The following N4BP2L2 variants were observed in gnomAD, a reference collection of about 807,000 sequenced individuals.
The protein encoded by N4BP2L2 is NEDD4-binding protein 2-like 2.
A neutral mutation model predicts 56.2 loss-of-function variants in N4BP2L2; 50 were observed. The ratio of observed to expected loss-of-function variants is 0.89; its 90% CI spans 0.71 to 1.13. The LOEUF (loss-of-function observed/expected upper bound fraction) is 1.13, where lower values mean the gene tolerates loss of function less well. Among genes scored for constraint, N4BP2L2 ranks in the 50% most tolerant of loss-of-function variants. The pLI, the probability that N4BP2L2 is intolerant of heterozygous loss-of-function variation, is 0.00. For synonymous variants in N4BP2L2, 203 were observed against 223.6 expected (o/e 0.91, Z 0.82); for missense variants, 689 against 693.8 (o/e 0.99, Z 0.08).
At chr13:32,473,662 C>T (rs915835186) in intron 6 of N4BP2L2, among the ~76,000 whole-genome samples, 3 of 152,176 alleles carry the variant, frequency 2.0e-5, no homozygotes, top group African/African-American at 7.2e-5. Flanking sequence ...ATTTCCTTGT[C>T]CTTTCCAGTC....
chr13:32,443,451 G>T, exon 7 of N4BP2L2: 1 of 1,613,954 alleles, frequency 6.2e-7, no homozygotes, highest in Non-Finnish European at 8.5e-7. Flanking sequence ...AAAAAGCCCA[G>T]TGATTGATTT....
exon 6 of N4BP2L2, chr13:32,513,033 A>G (rs1474550754): frequency 6.8e-6 from 1 of 146,230 alleles, no homozygotes; most frequent in Non-Finnish European, 1.5e-5. Context: ...CTCCGTCTCA[A>G]AAAAAAAAAA....
chr13:32,510,250 CT>C (rs1183328843), downstream of N4BP2L2: 2 of 151,970 alleles, frequency 1.3e-5, no homozygotes, highest in African/African-American at 4.8e-5. Context: ...TTAGGAAATA[CT>C]GCCTGAAAAT....
chr13:32,538,803 T>A, upstream of N4BP2L2: 1 of 985,362 alleles, frequency 1.0e-6, no homozygotes, highest in Non-Finnish European at 1.2e-6. Context: ...GGCGGTCACC[T>A]CTCGGTTACC....
chr13:32,526,818 G>GTTTTTTTTTTTTTT lies in N4BP2L2; in HGVS notation c.1384+576_1384+589dup, dbSNP rs35925361. On this transcript the variant is annotated intron_variant, in intron 3 of 5. Transcript: ENST00000267068. ...CTGAGGCCAGGCACACTTTTTGTCT[G>GTTTTTTTTTTTTTT]TTTTTTTTTTTTTTTTTTTTTTTTT... 2.6e-3 allele frequency: 64 copies of GTTTTTTTTTTTTTT among 24,240 alleles called. 19 individuals are homozygous for GTTTTTTTTTTTTTT. The highest frequency in any genetic ancestry group is 3.0e-3 in the Non-Finnish European group (38 of 12,584). 1.5% of individuals were successfully genotyped at this position (24,240 alleles called of 1,614,324 possible).
At chr13:32,450,312 T>C (rs548792388) in intron 6 of N4BP2L2, among the ~76,000 whole-genome samples, 1 of 151,856 alleles carries the variant, frequency 6.6e-6, no homozygotes, top group East Asian at 1.9e-4. Context: ...AGTAAAAAAA[T>C]TATATATAAA....
intron 5 of N4BP2L2, among the ~76,000 whole-genome samples, chr13:32,518,719 T>C (rs867431102): frequency 6.6e-6 from 1 of 152,292 alleles, no homozygotes; most frequent in Admixed American, 6.5e-5. Context: ...AAAAGGTAAC[T>C]GTGACTGGGA....
intron 6 of N4BP2L2, among the ~76,000 whole-genome samples, chr13:32,488,637 T>C (rs1290481998): frequency 2.0e-5 from 3 of 152,244 alleles, no homozygotes; most frequent in African/African-American, 7.2e-5. Flanking sequence ...TGTATATTTA[T>C]ATATTTAAAC....
intron 7 of N4BP2L2, among the ~76,000 whole-genome samples, chr13:32,440,280 A>G (rs531232112): frequency 2.0e-5 from 3 of 152,268 alleles, no homozygotes; most frequent in African/African-American, 7.2e-5. Context: ...TGGGTCCCCA[A>G]GGAACGCTGA....
At chr13:32,515,269 A>C (rs928307038) in exon 6 of N4BP2L2, 2 of 152,158 alleles carry the variant, frequency 1.3e-5, no homozygotes, top group Non-Finnish European at 2.9e-5. Context: ...CCATCTCTAC[A>C]AAAAAATTTT....
At chr13:32,529,738 T>G (rs1019916962) in intron 2 of N4BP2L2, among the ~76,000 whole-genome samples, 3 of 152,078 alleles carry the variant, frequency 2.0e-5, no homozygotes, top group African/African-American at 7.2e-5. Context: ...TTTCTTTTTT[T>G]TTTTTAGACA....
downstream of N4BP2L2, among the ~76,000 whole-genome samples, chr13:32,509,958 C>T (rs1566148595): frequency 6.6e-6 from 1 of 152,050 alleles, no homozygotes; most frequent in Non-Finnish European, 1.5e-5. Flanking sequence ...AAAGCAAATA[C>T]CCAACAGTAA....
intron 6 of N4BP2L2, among the ~76,000 whole-genome samples, chr13:32,455,979 C>T (rs957877930): frequency 6.6e-6 from 1 of 152,222 alleles, no homozygotes; most frequent in African/African-American, 2.4e-5. Flanking sequence ...ATCACCCAAA[C>T]AAGCACATTG....
At chr13:32,520,271 A>G (rs534069052) in intron 5 of N4BP2L2, among the ~76,000 whole-genome samples, 3 of 152,192 alleles carry the variant, frequency 2.0e-5, no homozygotes, top group Admixed American at 2.0e-4. Context: ...TAAATAGGTG[A>G]ATTGTAAGGG....
chr13:32,521,421 A>C, exon 5 of N4BP2L2: 1 of 1,613,102 alleles, frequency 6.2e-7, no homozygotes, highest in Non-Finnish European at 8.5e-7. Context: ...AGGTTCATGA[A>C]ACTCTACTCT....
At chr13:32,459,735 T>TACC (rs1216968732) in intron 6 of N4BP2L2, among the ~76,000 whole-genome samples, 1 of 151,996 alleles carries the variant, frequency 6.6e-6, no homozygotes, top group African/African-American at 2.4e-5. Context: ...CAGAACATAC[T>TACC]ACCCAAAGCA....
At chr13:32,476,858 A>G (rs1302084692) in intron 6 of N4BP2L2, among the ~76,000 whole-genome samples, 1 of 152,216 alleles carries the variant, frequency 6.6e-6, no homozygotes, top group Non-Finnish European at 1.5e-5. Flanking sequence ...TACCCCTGGC[A>G]GTGTGGTGCA....
chr13:32,436,000 T>A (rs911960247), intron 9 of N4BP2L2, among the ~76,000 whole-genome samples: 1 of 152,232 alleles, frequency 6.6e-6, no homozygotes, highest in Non-Finnish European at 1.5e-5. Context: ...GAGAATCTAA[T>A]ATTTAAGTAG....
intron 6 of N4BP2L2, among the ~76,000 whole-genome samples, chr13:32,494,879 C>T (rs2088168631): frequency 6.6e-6 from 1 of 152,104 alleles, no homozygotes. Flanking sequence ...TCTGGCTGGC[C>T]AAAACCTCAA....
Sources: gnomAD v4.1 joint callset for allele counts (sites outside exome capture counted in the v4.1 genomes callset) on GRCh38, gnomAD v4.1.1 for gene constraint, MANE v1.5 for transcripts, NCBI Gene and HGNC (gene_info 2026-07-23, HGNC 2026-07-21) for gene names.